Variants in LINGO2 observed in about 807,000 individuals in gnomAD.
LINGO2 encodes leucine rich repeat and Ig domain containing 2, also known as leucine-rich repeat and immunoglobulin-like domain-containing nogo receptor-interacting protein 2.
Under a neutral mutation model 30.6 loss-of-function variants are expected in LINGO2, and 14 were observed. The observed-to-expected ratio is 0.46, with a 90% CI of 0.30 to 0.72. The LOEUF is 0.72. Among genes scored for constraint, LINGO2 ranks in the 30% least tolerant of loss-of-function variants. The pLI is 0.07. For synonymous variants in LINGO2, 317 were observed against 288.5 expected, an observed-to-expected ratio of 1.10 and a Z score of -1.00; for missense variants, 729 against 751.7, an observed-to-expected ratio of 0.97 and a Z score of 0.35.
intron 1 of LINGO2, among the ~76,000 whole-genome samples, chr9:28,508,893 C>T (rs1451125922): frequency 1.3e-5 from 2 of 152,060 alleles, no homozygotes; most frequent in African/African-American, 2.4e-5. Flanking sequence ...ATGTCATCAT[C>T]CCTAGAATGG....
intron 1 of LINGO2, among the ~76,000 whole-genome samples, chr9:28,608,151 TA>T (rs10968670): frequency 0.35 from 51,070 of 147,576 alleles, 8,865 homozygotes; most frequent in Admixed American, 0.43. Flanking sequence ...TGTAGAAAGA[TA>T]AAAAAAAAAA....
At chr9:28,092,932 T>C (rs1228098235) in intron 4 of LINGO2, among the ~76,000 whole-genome samples, 2 of 152,080 alleles carry the variant, frequency 1.3e-5, no homozygotes, top group Non-Finnish European at 2.9e-5. Context: ...GCATCATGGC[T>C]TTTAATTCTT....
the LINGO2 span, among the ~76,000 whole-genome samples, chr9:29,138,715 G>C: frequency 6.6e-6 from 1 of 152,066 alleles, no homozygotes; most frequent in East Asian, 1.9e-4. Context: ...TTTTGCATAG[G>C]AACAGTGTAG....
the LINGO2 span, among the ~76,000 whole-genome samples, chr9:28,737,437 G>T: frequency 1.3e-5 from 2 of 152,176 alleles, no homozygotes. Context: ...GTCTTGCATG[G>T]CTTGTTACAT....
intron 4 of LINGO2, among the ~76,000 whole-genome samples, chr9:28,086,638 G>A (rs1232141620): frequency 1.3e-5 from 2 of 150,918 alleles, no homozygotes; most frequent in Non-Finnish European, 3.0e-5. Context: ...GTCAGAAAAC[G>A]GTCTTGATGG....
chr9:28,949,540 C>T, the LINGO2 span, among the ~76,000 whole-genome samples: 1 of 152,096 alleles, frequency 6.6e-6, no homozygotes, highest in Non-Finnish European at 1.5e-5. Flanking sequence ...AACACATACA[C>T]CCTCCCAAGA....
intron 1 of LINGO2, among the ~76,000 whole-genome samples, chr9:28,476,709 C>G (rs993182025): frequency 3.3e-5 from 5 of 152,026 alleles, no homozygotes; most frequent in African/African-American, 1.2e-4. Flanking sequence ...AGAAAACAGA[C>G]CGGAAGGAGA....
the LINGO2 span, among the ~76,000 whole-genome samples, chr9:28,733,271 T>A: frequency 6.6e-6 from 1 of 152,188 alleles, no homozygotes; most frequent in Non-Finnish European, 1.5e-5. Flanking sequence ...TATTTTTTCC[T>A]TATGTCTTTG....
At chr9:29,055,940 G>GTATATATATATATATGTATATA in the LINGO2 span, among the ~76,000 whole-genome samples, 28 of 119,972 alleles carry the variant, frequency 2.3e-4, no homozygotes, top group Admixed American at 4.2e-4. Flanking sequence ...ATGTGTGTGT[G>GTATATATATATATATGTATATA]TATATATACA....
At chr9:28,086,403 A>T (rs1351896504) in intron 4 of LINGO2, among the ~76,000 whole-genome samples, 1 of 152,130 alleles carries the variant, frequency 6.6e-6, no homozygotes, top group Non-Finnish European at 1.5e-5. Flanking sequence ...TTTACAAGAT[A>T]AGTAGCCAAT....
intron 2 of LINGO2, among the ~76,000 whole-genome samples, chr9:28,457,597 A>G (rs1824901111): frequency 6.6e-6 from 1 of 151,758 alleles, no homozygotes; most frequent in Non-Finnish European, 1.5e-5. Flanking sequence ...AGAAAACAAA[A>G]ATTAAAAAAA....
At chr9:29,176,379 T>C in the LINGO2 span, among the ~76,000 whole-genome samples, 2 of 152,186 alleles carry the variant, frequency 1.3e-5, no homozygotes, top group African/African-American at 2.4e-5. Context: ...TTAGAGAAGG[T>C]GGTGAAATAA....
chr9:29,150,248 A>G, the LINGO2 span, among the ~76,000 whole-genome samples: 634 of 152,340 alleles, frequency 4.2e-3, 3 homozygotes, highest in African/African-American at 0.015. Flanking sequence ...TGGCCCTCCG[A>G]AAGTACCCAG....
intron 3 of LINGO2, among the ~76,000 whole-genome samples, chr9:28,302,425 T>C (rs1365835486): frequency 6.6e-6 from 1 of 152,208 alleles, no homozygotes; most frequent in Non-Finnish European, 1.5e-5. Context: ...ACACCTTTAA[T>C]CCCAGCATTT....
chr9:28,011,061 CA>C lies in LINGO2; in HGVS notation c.-36+1293del, dbSNP rs564230948. Among the ~76,000 whole-genome samples the C allele has an allele frequency of 3.5e-3, 533 of 152,100 alleles. 4 individuals are homozygous for C. The highest frequency in any genetic ancestry group is 0.012 in the African/African-American group (513 of 41,498). ...CAATTAGGTACAATAACATATGGAA[CA>C]AAAAAGAGGTGGGTGAAATTGAGTG... On this transcript the variant is annotated intron_variant, in intron 5 of 5. Transcript: ENST00000379992.
chr9:29,044,365 AT>A, the LINGO2 span, among the ~76,000 whole-genome samples: 1 of 152,040 alleles, frequency 6.6e-6, no homozygotes, highest in Non-Finnish European at 1.5e-5. Flanking sequence ...ACTCTGACAT[AT>A]TCATTAGTCT....
the LINGO2 span, among the ~76,000 whole-genome samples, chr9:29,069,429 T>C: frequency 6.9e-6 from 1 of 144,488 alleles, no homozygotes; most frequent in East Asian, 2.0e-4. Context: ...ATTAGTATTA[T>C]ATAATGTATC....
At chr9:28,318,025 C>T (rs1290498743) in intron 3 of LINGO2, among the ~76,000 whole-genome samples, 1 of 152,174 alleles carries the variant, frequency 6.6e-6, no homozygotes, top group Non-Finnish European at 1.5e-5. Context: ...ACATATGCTG[C>T]AGCCATACAA....
the LINGO2 span, among the ~76,000 whole-genome samples, chr9:29,104,035 A>G: frequency 6.6e-6 from 1 of 152,188 alleles, no homozygotes; most frequent in South Asian, 2.1e-4. Context: ...TTAATATAGT[A>G]CCCAACACAT....
Sources: allele counts gnomAD v4.1 joint callset (sites outside exome capture counted in the v4.1 genomes callset), GRCh38; gene constraint gnomAD v4.1.1; transcripts MANE v1.5; gene names NCBI Gene and HGNC (gene_info 2026-07-23, HGNC 2026-07-21).